Variants in CDH12 observed in about 807,000 individuals in gnomAD.
The protein encoded by CDH12 is cadherin 12.
Under a neutral mutation model 74.1 loss-of-function variants are expected in CDH12, and 41 were observed. That is an observed-to-expected ratio of 0.55 (90% CI 0.43 to 0.72). CDH12 has a LOEUF of 0.72. CDH12 is among the 30% of genes least tolerant of loss of function. The probability of loss-of-function intolerance (pLI) is 0.00; values close to 1 mark genes in which losing one functional copy is unlikely to be tolerated. For synonymous variants in CDH12, 399 were observed against 355.0 expected, an observed-to-expected ratio of 1.12 and a Z score of -1.39; for missense variants, 945 against 977.2, an observed-to-expected ratio of 0.97 and a Z score of 0.44.
At chr5:22,042,317 T>G (rs138742903) in intron 5 of CDH12, among the ~76,000 whole-genome samples, 1 of 151,912 alleles carries the variant, frequency 6.6e-6, no homozygotes, top group African/African-American at 2.4e-5. Context: ...ATCAGGGCAG[T>G]AATAAATAGA....
At chr5:21,932,665 C>T (rs2150082497) in intron 6 of CDH12, among the ~76,000 whole-genome samples, 1 of 152,004 alleles carries the variant, frequency 6.6e-6, no homozygotes, top group Admixed American at 6.6e-5. Flanking sequence ...CTTTCGGAGG[C>T]CAAGGCAGGT....
At chr5:21,989,774 G>A (rs908641831) in intron 5 of CDH12, among the ~76,000 whole-genome samples, 7 of 151,892 alleles carry the variant, frequency 4.6e-5, no homozygotes, top group African/African-American at 1.2e-4. Context: ...GTTTGTTTTT[G>A]CAAAACCTGC....
At chr5:22,132,009 A>G (rs1252808563) in intron 4 of CDH12, among the ~76,000 whole-genome samples, 1 of 152,154 alleles carries the variant, frequency 6.6e-6, no homozygotes, top group Non-Finnish European at 1.5e-5. Context: ...GTGTATCTCC[A>G]TGGAGGGCCT....
chr5:22,084,826 C>G (rs1460356086), intron 4 of CDH12, among the ~76,000 whole-genome samples: 1 of 152,088 alleles, frequency 6.6e-6, no homozygotes, highest in Admixed American at 6.6e-5. Flanking sequence ...GCAAACAACT[C>G]CCCCAGGCAT....
intron 4 of CDH12, among the ~76,000 whole-genome samples, chr5:22,162,359 C>A (rs1748400453): frequency 6.6e-6 from 1 of 152,050 alleles, no homozygotes. Context: ...CTCATTATAC[C>A]CTCCCACACA....
Position 22,815,545 on chromosome 5 carries a change from G to A in CDH12, c.-523+37513C>T, listed in dbSNP as rs532990498. Reference sequence around the variant, plus strand: ...AGCACTTTGGGAGGCTGAGGGGGGCGGATAACCTGAGGTCAGGAGTTCGAG... The same window carrying A: ...AGCACTTTGGGAGGCTGAGGGGGGCAGATAACCTGAGGTCAGGAGTTCGAG... On this transcript the variant is annotated intron_variant, in intron 1 of 14. Coordinates refer to ENST00000382254, the MANE Select transcript of CDH12 (RefSeq NM_004061.5). Among the ~76,000 whole-genome samples, 759 of 152,032 alleles carry A rather than the reference G, an allele frequency of 5.0e-3. 5 individuals carry two copies. Among genetic ancestry groups the A allele is most frequent in the Middle Eastern group, 0.017 (5 of 294 alleles).
intron 1 of CDH12, among the ~76,000 whole-genome samples, chr5:22,743,152 G>C (rs1324693122): frequency 2.0e-5 from 3 of 151,486 alleles, no homozygotes; most frequent in African/African-American, 7.3e-5. Context: ...GAGGCCTTCA[G>C]ACTCAGAGGA....
At chr5:22,460,791 G>A (rs1745478088) in intron 2 of CDH12, among the ~76,000 whole-genome samples, 1 of 141,678 alleles carries the variant, frequency 7.1e-6, no homozygotes, top group African/African-American at 2.6e-5. Flanking sequence ...CACGATCTCG[G>A]CTCACTGCAA....
intron 1 of CDH12, among the ~76,000 whole-genome samples, chr5:22,659,866 T>G (rs1011858001): frequency 4.6e-5 from 7 of 152,130 alleles, no homozygotes; most frequent in Admixed American, 2.0e-4. Context: ...AATAGAATTA[T>G]TTTATATCAA....
rs111553170 is a variant in CDH12, at chr5:22,550,397, C to A, written c.-522-45033G>T. Among the ~76,000 whole-genome samples, 997 of 152,216 alleles carry A rather than the reference C, an allele frequency of 6.5e-3. 10 individuals are homozygous for A. The highest frequency in any genetic ancestry group is 0.022 in the African/African-American group (918 of 41,548). ...AAACTTTACATGTTTGACTCAGAAA[C>A]CCTATTTTCCCACAGAAACCTATCC... On this transcript the variant is annotated intron_variant, in intron 1 of 14. Transcript: ENST00000382254.
At chr5:22,443,550 AT>A (rs1386007380) in intron 2 of CDH12, among the ~76,000 whole-genome samples, 2 of 152,160 alleles carry the variant, frequency 1.3e-5, no homozygotes, top group Non-Finnish European at 2.9e-5. Context: ...TTTCCGTAAC[AT>A]GGATCAGGAA....
intron 1 of CDH12, among the ~76,000 whole-genome samples, chr5:22,703,130 C>T (rs998935650): frequency 1.3e-5 from 2 of 152,058 alleles, no homozygotes; most frequent in African/African-American, 4.8e-5. Context: ...TACTCTAATC[C>T]TTACCAACAT....
At chr5:22,273,122 A>C (rs1736475405) in intron 3 of CDH12, among the ~76,000 whole-genome samples, 1 of 152,168 alleles carries the variant, frequency 6.6e-6, no homozygotes, top group African/African-American at 2.4e-5. Flanking sequence ...TTGGATTGCA[A>C]TTCTGGATGA....
At chr5:21,859,306 C>A (rs1750910717) in intron 6 of CDH12, among the ~76,000 whole-genome samples, 1 of 151,888 alleles carries the variant, frequency 6.6e-6, no homozygotes, top group African/African-American at 2.4e-5. Flanking sequence ...AAGGCACCTT[C>A]TTCACAGGGG....
At chr5:22,218,075 A>T (rs1396582254) in intron 3 of CDH12, among the ~76,000 whole-genome samples, 2 of 151,764 alleles carry the variant, frequency 1.3e-5, no homozygotes, top group African/African-American at 4.8e-5. Flanking sequence ...ATCAAAAAGA[A>T]AAAAAACTCT....
At chr5:22,303,493 T>C (rs1334974684) in intron 3 of CDH12, among the ~76,000 whole-genome samples, 2 of 151,830 alleles carry the variant, frequency 1.3e-5, no homozygotes, top group East Asian at 3.9e-4. Flanking sequence ...AACTGGGGAG[T>C]GAGGGCTATA....
intron 6 of CDH12, among the ~76,000 whole-genome samples, chr5:21,860,163 T>A (rs760169165): frequency 9.9e-5 from 15 of 152,106 alleles, no homozygotes; most frequent in Non-Finnish European, 1.8e-4. Context: ...ACTTTTTCTT[T>A]ATTTTGTTAA....
intron 11 of CDH12, among the ~76,000 whole-genome samples, chr5:21,774,164 C>A: frequency 6.6e-6 from 1 of 152,068 alleles, no homozygotes; most frequent in East Asian, 1.9e-4. Flanking sequence ...ATGGGAGAGG[C>A]AGACTCACCC....
intron 4 of CDH12, among the ~76,000 whole-genome samples, 190 bp from the exon 5 acceptor site, chr5:22,079,052 G>A (rs1742536393): frequency 6.6e-6 from 1 of 152,070 alleles, no homozygotes; most frequent in African/African-American, 2.4e-5. Context: ...TCACAGACTT[G>A]AGAAAATATT....
Sources: allele counts gnomAD v4.1 joint callset (sites outside exome capture counted in the v4.1 genomes callset), GRCh38; gene constraint gnomAD v4.1.1; transcripts MANE v1.5; gene names NCBI Gene and HGNC (gene_info 2026-07-23, HGNC 2026-07-21).